The following GABRB1 variants were observed in gnomAD, a reference collection of about 807,000 sequenced individuals.
GABRB1 encodes the protein gamma-aminobutyric acid type A receptor subunit beta1.
A neutral mutation model predicts 51.6 loss-of-function variants in GABRB1; 17 were observed. The ratio of observed to expected loss-of-function variants is 0.33; its 90% CI spans 0.23 to 0.49. The LOEUF is 0.49. Among genes scored for constraint, GABRB1 ranks in the 20% least tolerant of loss-of-function variants. The pLI, the probability that GABRB1 is intolerant of heterozygous loss-of-function variation, is 0.99. For missense variants in GABRB1, 410 were observed against 600.6 expected, an observed-to-expected ratio of 0.68 and a Z score of 3.32; for synonymous variants, 247 against 218.9, an observed-to-expected ratio of 1.13 and a Z score of -1.14.
At chr4:47,261,300 A>G (rs1371431695) in intron 4 of GABRB1, among the ~76,000 whole-genome samples, 1 of 152,166 alleles carries the variant, frequency 6.6e-6, no homozygotes, top group Admixed American at 6.5e-5. Context: ...AGAAAACCCC[A>G]CTGTCTCAGC....
intron 5 of GABRB1, among the ~76,000 whole-genome samples, chr4:47,400,966 T>A (rs2110048660): frequency 7.0e-6 from 1 of 143,860 alleles, no homozygotes; most frequent in Non-Finnish European, 1.5e-5. Context: ...TCTCGCTGTG[T>A]CACCCAGGCT....
chr4:47,170,278 G>A (rs574481252), intron 4 of GABRB1, among the ~76,000 whole-genome samples: 23 of 2,898 alleles, frequency 7.9e-3, no homozygotes, highest in African/African-American at 0.036. Context: ...AAAGAAAGAC[G>A]AGTTTTTCAC....
chr4:47,030,804 A>G (rs1024995998), upstream of GABRB1, among the ~76,000 whole-genome samples: 2 of 152,132 alleles, frequency 1.3e-5, no homozygotes, highest in Non-Finnish European at 2.9e-5. Flanking sequence ...TCAATTTAAG[A>G]AGGAGATTTT....
chr4:47,080,066 A>T (rs1267785542), intron 3 of GABRB1, among the ~76,000 whole-genome samples: 5 of 152,172 alleles, frequency 3.3e-5, no homozygotes, highest in African/African-American at 1.2e-4. Flanking sequence ...GCTTATTTCA[A>T]GCAATACAGA....
chr4:47,073,630 G>T (rs28454743), intron 3 of GABRB1, among the ~76,000 whole-genome samples: 9 of 152,058 alleles, frequency 5.9e-5, no homozygotes, highest in African/African-American at 2.2e-4. Context: ...GAACCTCTTT[G>T]TTTCTAGAAG....
At chr4:47,272,768 A>G (rs1291299483) in intron 4 of GABRB1, among the ~76,000 whole-genome samples, 1 of 152,158 alleles carries the variant, frequency 6.6e-6, no homozygotes, top group Non-Finnish European at 1.5e-5. Flanking sequence ...TTAACTACTA[A>G]TCTATTATTG....
At chr4:47,006,721 T>G (rs1342583476) in intron 1 of GABRB1, among the ~76,000 whole-genome samples, 1 of 152,208 alleles carries the variant, frequency 6.6e-6, no homozygotes, top group Non-Finnish European at 1.5e-5. Flanking sequence ...ATATGTGAAC[T>G]CTAACAGGAA....
chr4:47,004,883 A>G (rs1468772606), intron 1 of GABRB1, among the ~76,000 whole-genome samples: 1 of 152,222 alleles, frequency 6.6e-6, no homozygotes, highest in African/African-American at 2.4e-5. Flanking sequence ...TAATACTTAT[A>G]GTTTCAATAG....
intron 1 of GABRB1, among the ~76,000 whole-genome samples, chr4:46,996,032 C>CCTGAAAT (rs1723983914): frequency 6.7e-6 from 1 of 149,104 alleles, no homozygotes; most frequent in Non-Finnish European, 1.5e-5. Flanking sequence ...AATTTCACTG[C>CCTGAAAT]CTGAAATCTT....
At chr4:47,224,989 GA>G (rs1720898205) in intron 4 of GABRB1, among the ~76,000 whole-genome samples, 1 of 152,086 alleles carries the variant, frequency 6.6e-6, no homozygotes, top group Non-Finnish European at 1.5e-5. Flanking sequence ...CCACCTCTCG[GA>G]TTCAAGCAAT....
intron 3 of GABRB1, among the ~76,000 whole-genome samples, chr4:47,119,512 T>A (rs1377757091): frequency 1.9e-5 from 1 of 53,896 alleles, no homozygotes; most frequent in Non-Finnish European, 4.2e-5. Context: ...TTTTCTTTCT[T>A]TTTTTTTTTT....
chr4:47,102,651 T>C (rs1482237333), intron 3 of GABRB1, among the ~76,000 whole-genome samples: 1 of 151,880 alleles, frequency 6.6e-6, no homozygotes, highest in Non-Finnish European at 1.5e-5. Flanking sequence ...AGCAAGTCAA[T>C]GTCAGGTTCT....
At chr4:47,283,159 G>A (rs1723354453) in intron 4 of GABRB1, among the ~76,000 whole-genome samples, 1 of 152,082 alleles carries the variant, frequency 6.6e-6, no homozygotes, top group Admixed American at 6.6e-5. Context: ...AAAAGGACAG[G>A]TAGATGTGAG....
At chr4:47,255,898 A>G (rs1722178921) in intron 4 of GABRB1, among the ~76,000 whole-genome samples, 1 of 152,246 alleles carries the variant, frequency 6.6e-6, no homozygotes, top group Non-Finnish European at 1.5e-5. Flanking sequence ...TGAAGCAGGC[A>G]ATAAGGAAAT....
chr4:47,107,522 T>C (rs1715018321), intron 3 of GABRB1, among the ~76,000 whole-genome samples: 1 of 152,102 alleles, frequency 6.6e-6, no homozygotes, highest in Non-Finnish European at 1.5e-5. Context: ...AATAATGACA[T>C]CTCAATTCTG....
intron 5 of GABRB1, among the ~76,000 whole-genome samples, chr4:47,346,614 C>T (rs560460140): frequency 1.1e-4 from 16 of 152,282 alleles, no homozygotes; most frequent in African/African-American, 2.4e-4. Context: ...GCTGATGAAA[C>T]ATTACTATTT....
At chr4:47,049,815 A>G (rs1397703395) in intron 3 of GABRB1, among the ~76,000 whole-genome samples, 2 of 152,212 alleles carry the variant, frequency 1.3e-5, no homozygotes, top group African/African-American at 4.8e-5. Context: ...TAGTTTAGGG[A>G]AAAACAGCTA....
intron 3 of GABRB1, among the ~76,000 whole-genome samples, chr4:47,144,854 G>C (rs747788975): frequency 2.6e-5 from 4 of 151,888 alleles, no homozygotes; most frequent in Non-Finnish European, 5.9e-5. Flanking sequence ...ACACCTTTGA[G>C]AGTATAGAGT....
In GABRB1 at chr4:47,005,703, C is replaced by T. The variant is rs138112342; in HGVS notation, c.-20+11777C>T. Among the ~76,000 whole-genome samples the T allele has an allele frequency of 4.2e-3, 495 of 119,126 alleles. 2 individuals carry two copies. The highest frequency in any genetic ancestry group is 0.014 in the African/African-American group (456 of 33,754). 78.2% of individuals were successfully genotyped at this position (119,126 alleles called of 152,430 possible). On this transcript the variant is annotated intron_variant, in intron 1 of 3. Coordinates refer to the GABRB1 transcript ENST00000513567. ...CTTTTGTCAATCACAGAGAACTTTA[C>T]GTCTCCCTCTGCAACTTCTCTAAAA... is the stretch of plus-strand genomic sequence containing the variant.
Sources: allele counts gnomAD v4.1 joint callset (sites outside exome capture counted in the v4.1 genomes callset), GRCh38; gene constraint gnomAD v4.1.1; transcripts MANE v1.5; gene names NCBI Gene and HGNC (gene_info 2026-07-23, HGNC 2026-07-21).